UNC13C: variants seen among roughly 807,000 people sequenced by gnomAD.
UNC13C encodes the protein protein unc-13 homolog C.
Under a neutral mutation model 245.4 loss-of-function variants are expected in UNC13C, and 174 were observed. That is an observed-to-expected ratio of 0.71 (90% CI 0.63 to 0.80). The LOEUF is 0.80. UNC13C is among the 30% of genes least tolerant of loss of function. The probability of loss-of-function intolerance (pLI) is 0.00; values close to 1 mark genes in which losing one functional copy is unlikely to be tolerated. For missense variants in UNC13C, 2,829 were observed against 2,602.9 expected (o/e 1.09, Z -1.89); for synonymous variants, 992 against 895.1 (o/e 1.11, Z -1.93).
chr15:53,888,035 G>A, the UNC13C span, among the ~76,000 whole-genome samples: 6 of 152,320 alleles, frequency 3.9e-5, no homozygotes, highest in South Asian at 6.2e-4. Flanking sequence ...TGTCTTTATA[G>A]TAGAATGATT....
At chr15:54,050,485 ATT>A (rs1399903268) in intron 2 of UNC13C, 1 of 540,524 alleles carries the variant, frequency 1.9e-6, no homozygotes, top group African/African-American at 1.9e-5. Context: ...CTTTGACCAA[ATT>A]TTTATTTGTC....
At chr15:54,218,900 A>G (rs886477503) in intron 4 of UNC13C, among the ~76,000 whole-genome samples, 2 of 152,108 alleles carry the variant, frequency 1.3e-5, no homozygotes, top group Admixed American at 6.6e-5. Flanking sequence ...TGGGACGTAA[A>G]GGACCTCTTC....
the UNC13C span, among the ~76,000 whole-genome samples, chr15:53,953,549 G>A: frequency 8.1e-4 from 124 of 152,324 alleles, no homozygotes; most frequent in African/African-American, 2.8e-3. Flanking sequence ...CTTGAATAAA[G>A]CTTGAACCAG....
the UNC13C span, among the ~76,000 whole-genome samples, chr15:53,896,717 C>A: frequency 6.6e-6 from 1 of 152,104 alleles, no homozygotes; most frequent in Non-Finnish European, 1.5e-5. Context: ...GTAAGGAGTG[C>A]CTGCTGTGGA....
chr15:54,322,852 C>A (rs1371007169), intron 14 of UNC13C, among the ~76,000 whole-genome samples: 1 of 151,898 alleles, frequency 6.6e-6, no homozygotes. Context: ...GTTTTCAGGG[C>A]ATAAAATCAG....
Position 54,015,166 on chromosome 15 carries a change from C to G in UNC13C, c.2263C>G (p.Gln755Glu). Residue 755 changes from glutamine to glutamate, a missense_variant, in exon 2 of 33, where the codon CAG (glutamine) becomes GAG (glutamate). By Grantham distance (29) the Gln-to-Glu change is conservative. Transcript: ENST00000260323. Reference sequence around the variant, plus strand: ...TAATGAGCTATACCAAAATCAAAACCAGTTGTCCATGATGTATCGAAGTCA... The same window carrying G: ...TAATGAGCTATACCAAAATCAAAACGAGTTGTCCATGATGTATCGAAGTCA... Reference protein sequence around the residue: ...NSNELYQNQNQLSMMYRSQSE... With the variant: ...NSNELYQNQNELSMMYRSQSE... 1 of 1,612,484 alleles carries G rather than the reference C, an allele frequency of 6.2e-7. No individual in the cohort carries two copies. Among genetic ancestry groups the G allele is most frequent in the Non-Finnish European group, 8.5e-7 (1 of 1,179,282 alleles).
chr15:53,875,007 C>T, the UNC13C span, among the ~76,000 whole-genome samples: 4 of 152,004 alleles, frequency 2.6e-5, no homozygotes, highest in African/African-American at 9.7e-5. Flanking sequence ...GCAGGAGAAT[C>T]GCATGAACCC....
the UNC13C span, among the ~76,000 whole-genome samples, chr15:53,922,649 A>T: frequency 4.6e-5 from 7 of 152,320 alleles, no homozygotes; most frequent in Non-Finnish European, 7.4e-5. Flanking sequence ...TAAACCTCTG[A>T]CCTCAGAGTA....
At chr15:53,862,784 G>C in the UNC13C span, among the ~76,000 whole-genome samples, 2 of 152,016 alleles carry the variant, frequency 1.3e-5, no homozygotes, top group African/African-American at 4.8e-5. Flanking sequence ...AAACCTAATT[G>C]TCTCTCAAAG....
intron 30 of UNC13C, among the ~76,000 whole-genome samples, chr15:54,614,971 C>T (rs1011908271): frequency 6.6e-5 from 10 of 151,976 alleles, no homozygotes; most frequent in African/African-American, 2.4e-4. Flanking sequence ...GTATCTTTTT[C>T]TTGTTCTATA....
At chr15:54,344,217 G>A (rs1054802670) in intron 17 of UNC13C, among the ~76,000 whole-genome samples, 2 of 152,190 alleles carry the variant, frequency 1.3e-5, no homozygotes, top group African/African-American at 4.8e-5. Flanking sequence ...AGCTGCCAAA[G>A]TGAAGTGGCA....
At chr15:54,113,693 G>A (rs2029999286) in intron 2 of UNC13C, among the ~76,000 whole-genome samples, 1 of 152,064 alleles carries the variant, frequency 6.6e-6, no homozygotes, top group South Asian at 2.1e-4. Context: ...GGGCGTGGTG[G>A]CACAAGCCTG....
intron 29 of UNC13C, among the ~76,000 whole-genome samples, chr15:54,566,526 A>G (rs1328710386): frequency 6.6e-6 from 1 of 152,096 alleles, no homozygotes; most frequent in Non-Finnish European, 1.5e-5. Flanking sequence ...CCTAGCTAGA[A>G]TCAGTAAATG....
intron 24 of UNC13C, among the ~76,000 whole-genome samples, chr15:54,515,574 T>C (rs965631745): frequency 2.0e-5 from 3 of 152,206 alleles, no homozygotes; most frequent in Admixed American, 6.5e-5. Flanking sequence ...CAGGAAGTTA[T>C]AAGATATGCA....
At chr15:53,983,972 T>G (rs967120909) in intron 1 of UNC13C, among the ~76,000 whole-genome samples, 12 of 152,132 alleles carry the variant, frequency 7.9e-5, no homozygotes, top group African/African-American at 2.9e-4. Flanking sequence ...ATCTTCCTAT[T>G]AACACTACCC....
intron 22 of UNC13C, among the ~76,000 whole-genome samples, chr15:54,501,429 G>GTT (rs1313109062): frequency 6.6e-6 from 1 of 152,098 alleles, no homozygotes; most frequent in African/African-American, 2.4e-5. Flanking sequence ...AATAGTTCAA[G>GTT]TTTTTTATGA....
chr15:54,550,648 C>T (rs546066843), intron 28 of UNC13C, among the ~76,000 whole-genome samples: 1 of 152,248 alleles, frequency 6.6e-6, no homozygotes, highest in African/African-American at 2.4e-5. Flanking sequence ...AAAATTAAAA[C>T]CAGTAATCCA....
At chr15:54,446,972 C>T (rs1890851937) in intron 19 of UNC13C, among the ~76,000 whole-genome samples, 1 of 152,110 alleles carries the variant, frequency 6.6e-6, no homozygotes, top group African/African-American at 2.4e-5. Context: ...CCCATCAATA[C>T]CTAATTTATT....
chr15:54,593,828 G>T (rs1482037528), intron 30 of UNC13C, among the ~76,000 whole-genome samples: 2 of 151,994 alleles, frequency 1.3e-5, no homozygotes, highest in Non-Finnish European at 2.9e-5. Context: ...TCTTTTTCAG[G>T]TGAATCAGGG....
Sources: allele counts gnomAD v4.1 joint callset (sites outside exome capture counted in the v4.1 genomes callset), GRCh38; gene constraint gnomAD v4.1.1; transcripts MANE v1.5; gene names NCBI Gene and HGNC (gene_info 2026-07-23, HGNC 2026-07-21).